Variants in AKR1C4 observed in about 807,000 individuals in gnomAD.
The protein encoded by AKR1C4 is aldo-keto reductase family 1 member C4.
In AKR1C4, 44 loss-of-function variants were observed where a neutral mutation model predicts 41.0. That is an observed-to-expected ratio of 1.07 (90% confidence interval 0.84 to 1.38). AKR1C4 has a LOEUF of 1.38. Ranked by LOEUF, AKR1C4 falls within the 40% of genes most tolerant of loss-of-function variation. The pLI is 0.00. For synonymous variants in AKR1C4, 165 were observed against 137.7 expected (o/e 1.20, Z -1.39); for missense variants, 438 against 387.9 (o/e 1.13, Z -1.09).
intron 2 of AKR1C4, among the ~76,000 whole-genome samples, chr10:5,200,956 C>G (rs1189156047): frequency 2.6e-5 from 4 of 152,088 alleles, no homozygotes; most frequent in African/African-American, 9.7e-5. Flanking sequence ...TATATATACA[C>G]TATTCCATGA....
chr10:5,204,463 C>A lies in AKR1C4; in HGVS notation c.339C>A (p.Leu113=). 6.2e-7 allele frequency: 1 copy of A among 1,613,534 alleles called. No homozygotes were observed. ...LKKLQLDYVD[L]YLLHFPMALK... ...AACTTCAACTGGACTATGTTGACCT[C>A]TATCTTCTTCATTTCCCAATGGCTC... is the stretch of plus-strand genomic sequence containing the variant. Residue 113 remains leucine (L), a synonymous_variant, in exon 3 of 9, where the codon CTC becomes CTA. Coordinates refer to ENST00000263126, the MANE Select transcript of AKR1C4 (RefSeq NM_001818.5).
intron 5 of AKR1C4, among the ~76,000 whole-genome samples, chr10:5,208,619 C>CA (rs1406565495): frequency 1.3e-5 from 2 of 151,462 alleles, no homozygotes; most frequent in Non-Finnish European, 2.9e-5. Flanking sequence ...CAAAGCATGG[C>CA]ATAGGAATGA....
intron 7 of AKR1C4, among the ~76,000 whole-genome samples, chr10:5,215,041 G>T (rs536950377): frequency 5.3e-5 from 8 of 152,194 alleles, no homozygotes; most frequent in Admixed American, 3.3e-4. Context: ...GAATAAATTT[G>T]GATTTCAGTA....
intron 2 of AKR1C4, among the ~76,000 whole-genome samples, chr10:5,201,180 C>A (rs916831055): frequency 6.6e-6 from 1 of 152,102 alleles, no homozygotes; most frequent in Non-Finnish European, 1.5e-5. Flanking sequence ...TAAGGAATCT[C>A]CATACTGTTT....
intron 8 of AKR1C4, among the ~76,000 whole-genome samples, chr10:5,218,003 T>G (rs1453464006): frequency 3.3e-5 from 5 of 152,128 alleles, no homozygotes; most frequent in Admixed American, 2.6e-4. Flanking sequence ...ACTCAAACAT[T>G]TTTAGATATC....
chr10:5,198,548 T>A (rs951156212), intron 1 of AKR1C4, among the ~76,000 whole-genome samples: 9 of 152,174 alleles, frequency 5.9e-5, no homozygotes, highest in Non-Finnish European at 1.2e-4. Flanking sequence ...CCAAATAGCA[T>A]CCCTTGTAGT....
chr10:5,212,783 A>G, intron 6 of AKR1C4, 58 bp downstream of exon 6: 1 of 1,555,738 alleles, frequency 6.4e-7, no homozygotes, highest in Admixed American at 1.7e-5. Context: ...AATTTTAGTT[A>G]TAGCATACTC....
chr10:5,202,522 C>T, intron 2 of AKR1C4: 1 of 454,430 alleles, frequency 2.2e-6, no homozygotes, highest in African/African-American at 2.0e-5. Flanking sequence ...ATTACTCTGG[C>T]TAGGACTTCC....
intron 2 of AKR1C4, among the ~76,000 whole-genome samples, chr10:5,201,673 T>G (rs1369816335): frequency 6.6e-6 from 1 of 152,166 alleles, no homozygotes; most frequent in Non-Finnish European, 1.5e-5. Flanking sequence ...AATTCTTGGC[T>G]GAGGCCAATG....
intron 7 of AKR1C4, among the ~76,000 whole-genome samples, chr10:5,214,664 T>C (rs992482362): frequency 5.3e-5 from 8 of 151,062 alleles, no homozygotes; most frequent in African/African-American, 1.7e-4. Flanking sequence ...ACTTATACTT[T>C]TAATAGTCTT....
At chr10:5,211,144 G>A (rs1832570089) in intron 5 of AKR1C4, among the ~76,000 whole-genome samples, 1 of 152,148 alleles carries the variant, frequency 6.6e-6, no homozygotes, top group Admixed American at 6.6e-5. Flanking sequence ...ACCTCCCTCT[G>A]GGCCTGTGAT....
chr10:5,197,805 G>A (rs1169541073), intron 1 of AKR1C4, among the ~76,000 whole-genome samples: 1 of 152,118 alleles, frequency 6.6e-6, no homozygotes, highest in Non-Finnish European at 1.5e-5. Context: ...GAAGACCATC[G>A]ACAGGAGTGG....
chr10:5,218,625 C>A, intron 8 of AKR1C4, 93 bp from the exon 9 acceptor site: 1 of 938,420 alleles, frequency 1.1e-6, no homozygotes, highest in Non-Finnish European at 1.7e-6. Context: ...TTAACATTCA[C>A]ACTAATGGCA....
intron 8 of AKR1C4, among the ~76,000 whole-genome samples, 188 bp downstream of exon 8, chr10:5,216,981 A>C (rs1832666148): frequency 6.6e-6 from 1 of 152,214 alleles, no homozygotes; most frequent in Admixed American, 6.5e-5. Flanking sequence ...GAGTGGACCC[A>C]GGGTCAGCAT....
At chr10:5,212,546 T>G in intron 5 of AKR1C4, 70 bp from the exon 6 acceptor site, 1 of 1,333,640 alleles carries the variant, frequency 7.5e-7, no homozygotes, top group East Asian at 2.5e-5. Flanking sequence ...TTTATTCAGC[T>G]TATTTTAATC....
intron 5 of AKR1C4, among the ~76,000 whole-genome samples, chr10:5,211,096 G>A (rs1832568843): frequency 6.6e-6 from 1 of 152,198 alleles, no homozygotes; most frequent in African/African-American, 2.4e-5. Flanking sequence ...GAGACCCTGG[G>A]CCCAGCCCAT....
rs782724425 is a variant in AKR1C4, at chr10:5,213,000, C to A, written c.687C>A (p.Asp229Glu). 14 of 1,613,880 alleles carry A rather than the reference C, an allele frequency of 8.7e-6. No homozygotes were observed. The African/African-American group carries it at 1.5e-4, about 17-fold the overall frequency. ...TTTCTGGCTTTCCTTCCAGGGTGGA[C>A]CCAAACTCCCCAGTTCTTTTGGAGG... Reference protein sequence around the residue: ...LGTQRHKLWVDPNSPVLLEDP... With the variant: ...LGTQRHKLWVEPNSPVLLEDP... The change falls in exon 7 of 9, where the codon GAC (aspartate) becomes GAA (glutamate). Residue 229 changes from aspartate (D) to glutamate (E), a missense_variant. Transcript: ENST00000263126.
At chr10:5,206,727 G>A (rs782748701) in intron 5 of AKR1C4, among the ~76,000 whole-genome samples, 7 of 123,188 alleles carry the variant, frequency 5.7e-5, no homozygotes, top group Non-Finnish European at 1.0e-4. Context: ...AGAGTGGATT[G>A]GTAAAGATGA....
At chr10:5,215,547 T>C (rs2132140917) in intron 7 of AKR1C4, among the ~76,000 whole-genome samples, 1 of 152,288 alleles carries the variant, frequency 6.6e-6, no homozygotes, top group South Asian at 2.1e-4. Flanking sequence ...TACCTGATCA[T>C]AGGCTGTTAG....
Sources: gnomAD v4.1 joint callset for allele counts (sites outside exome capture counted in the v4.1 genomes callset) on GRCh38, gnomAD v4.1.1 for gene constraint, MANE v1.5 for transcripts, NCBI Gene and HGNC (gene_info 2026-07-23, HGNC 2026-07-21) for gene names.